Variants in GALNT13 observed in about 807,000 individuals in gnomAD.
The protein encoded by GALNT13 is polypeptide N-acetylgalactosaminyltransferase 13, also known as UDP-GalNAc:polypeptide N-acetylgalactosaminyltransferase 13.
GALNT13 carries 28 observed loss-of-function variants against 64.2 expected under a neutral mutation model. The ratio of observed to expected loss-of-function variants is 0.44; its 90% CI spans 0.32 to 0.60. The LOEUF is 0.60. GALNT13 is among the 20% of genes least tolerant of loss of function. The pLI is 0.05. For synonymous variants in GALNT13, 214 were observed against 224.6 expected (o/e 0.95, Z 0.42); for missense variants, 577 against 669.8 (o/e 0.86, Z 1.53).
chr2:154,134,631 G>C (rs941619473), intron 3 of GALNT13, among the ~76,000 whole-genome samples: 1 of 152,134 alleles, frequency 6.6e-6, no homozygotes, highest in Admixed American at 6.5e-5. Context: ...GCACCCATTA[G>C]AAAATAAGTA....
At chr2:153,917,911 C>T (rs1689496536) in intron 2 of GALNT13, among the ~76,000 whole-genome samples, 1 of 86,608 alleles carries the variant, frequency 1.2e-5, no homozygotes, top group East Asian at 4.8e-4. Flanking sequence ...TTAATCATGA[C>T]CACAGTTTTT....
At chr2:154,124,110 A>G (rs1043425172) in intron 3 of GALNT13, among the ~76,000 whole-genome samples, 3 of 151,982 alleles carry the variant, frequency 2.0e-5, no homozygotes, top group Non-Finnish European at 4.4e-5. Flanking sequence ...TGGGTTTTAT[A>G]TTTTCCCCTA....
At chr2:154,109,456 A>G (rs954264880) in intron 3 of GALNT13, among the ~76,000 whole-genome samples, 2 of 151,880 alleles carry the variant, frequency 1.3e-5, no homozygotes, top group Admixed American at 1.3e-4. Flanking sequence ...TTCTATTCAG[A>G]TGACTTTTTT....
At chr2:153,939,435 T>C (rs1230293894) in intron 2 of GALNT13, among the ~76,000 whole-genome samples, 1 of 152,198 alleles carries the variant, frequency 6.6e-6, no homozygotes, top group Non-Finnish European at 1.5e-5. Context: ...AATCAAAAGT[T>C]GATGATATCA....
the GALNT13 span, among the ~76,000 whole-genome samples, chr2:153,510,034 T>C: frequency 6.6e-6 from 1 of 152,224 alleles, no homozygotes; most frequent in Non-Finnish European, 1.5e-5. Context: ...CCAGGACTTG[T>C]CTTAAAGGAG....
the GALNT13 span, among the ~76,000 whole-genome samples, chr2:153,777,975 G>A: frequency 1.1e-4 from 17 of 152,292 alleles, no homozygotes; most frequent in East Asian, 3.3e-3. Context: ...TTTATTGAGT[G>A]GAAGTAGTTC....
At chr2:153,178,165 A>G in the GALNT13 span, among the ~76,000 whole-genome samples, 1 of 152,224 alleles carries the variant, frequency 6.6e-6, no homozygotes. Context: ...TTGGCAATAA[A>G]TAGAAGAGTA....
At chr2:153,138,644 T>C in the GALNT13 span, among the ~76,000 whole-genome samples, 1 of 152,102 alleles carries the variant, frequency 6.6e-6, no homozygotes, top group East Asian at 1.9e-4. Flanking sequence ...GGTAGCCATA[T>C]AAAAATAGTT....
chr2:153,265,069 T>C, the GALNT13 span, among the ~76,000 whole-genome samples: 1 of 152,342 alleles, frequency 6.6e-6, no homozygotes, highest in East Asian at 1.9e-4. Flanking sequence ...CATTTTTTAC[T>C]GTCCCTTCTC....
chr2:153,598,609 C>T, the GALNT13 span, among the ~76,000 whole-genome samples: 1 of 151,986 alleles, frequency 6.6e-6, no homozygotes, highest in Non-Finnish European at 1.5e-5. Flanking sequence ...CTAACAATAT[C>T]TACAGCTCCT....
intron 3 of GALNT13, among the ~76,000 whole-genome samples, chr2:153,991,811 T>TA (rs750184327): frequency 6.6e-6 from 1 of 152,160 alleles, no homozygotes; most frequent in African/African-American, 2.4e-5. Context: ...TATTTATACT[T>TA]ACTTAAAAGG....
At chr2:153,539,097 G>A in the GALNT13 span, among the ~76,000 whole-genome samples, 2 of 134,466 alleles carry the variant, frequency 1.5e-5, no homozygotes, top group Non-Finnish European at 3.1e-5. Flanking sequence ...ACTGGTGTGA[G>A]ATGGTATCTC....
At chr2:153,462,838 G>A in the GALNT13 span, among the ~76,000 whole-genome samples, 1 of 152,080 alleles carries the variant, frequency 6.6e-6, no homozygotes, top group East Asian at 1.9e-4. Flanking sequence ...CTCATAAATA[G>A]GCTAAGCCAG....
chr2:153,735,285 G>C, the GALNT13 span, among the ~76,000 whole-genome samples: 1 of 151,790 alleles, frequency 6.6e-6, no homozygotes, highest in African/African-American at 2.4e-5. Flanking sequence ...AATGGTTTTA[G>C]TTTGTTGTTC....
intron 4 of GALNT13, among the ~76,000 whole-genome samples, chr2:154,218,683 T>G (rs1042113314): frequency 3.3e-5 from 5 of 152,098 alleles, no homozygotes; most frequent in African/African-American, 1.2e-4. Flanking sequence ...CAAATCACTT[T>G]ATCTTGAATC....
At chr2:153,759,033 T>C in the GALNT13 span, among the ~76,000 whole-genome samples, 1 of 152,238 alleles carries the variant, frequency 6.6e-6, no homozygotes, top group Non-Finnish European at 1.5e-5. Flanking sequence ...TAAATGTATT[T>C]CTAAGCACTT....
At chr2:153,352,361 T>C in the GALNT13 span, among the ~76,000 whole-genome samples, 1 of 152,262 alleles carries the variant, frequency 6.6e-6, no homozygotes, top group South Asian at 2.1e-4. Context: ...ATAACACTTC[T>C]TTATCAGTTA....
At chr2:154,160,021 T>C (rs1031124620) in intron 4 of GALNT13, among the ~76,000 whole-genome samples, 3 of 152,192 alleles carry the variant, frequency 2.0e-5, no homozygotes, top group African/African-American at 7.2e-5. Flanking sequence ...AGAGATACTT[T>C]TATTTGGGCT....
At chr2:154,053,042 AATTGACTATTTTT>A (rs1699722333) in intron 3 of GALNT13, among the ~76,000 whole-genome samples, 1 of 152,008 alleles carries the variant, frequency 6.6e-6, no homozygotes, top group African/African-American at 2.4e-5. Context: ...GCCTGGCCAG[AATTGACTATTTTT>A]TGGTTATCAC....
Sources: allele counts gnomAD v4.1 joint callset (sites outside exome capture counted in the v4.1 genomes callset), GRCh38; gene constraint gnomAD v4.1.1; transcripts MANE v1.5; gene names NCBI Gene and HGNC (gene_info 2026-07-23, HGNC 2026-07-21).